The following XKR6 variants were observed in gnomAD, a reference collection of about 807,000 sequenced individuals.
XKR6 encodes the protein XK-related protein 6.
A neutral mutation model predicts 56.7 loss-of-function variants in XKR6; 22 were observed. The observed-to-expected ratio is 0.39, with a 90% CI of 0.28 to 0.55. XKR6 has a LOEUF of 0.55. Among genes scored for constraint, XKR6 ranks in the 20% least tolerant of loss-of-function variants. The probability of loss-of-function intolerance (pLI) is 0.66; values close to 1 mark genes in which losing one functional copy is unlikely to be tolerated. For missense variants in XKR6, 852 were observed against 889.0 expected, an observed-to-expected ratio of 0.96 and a Z score of 0.53; for synonymous variants, 524 against 387.8, an observed-to-expected ratio of 1.35 and a Z score of -4.13.
At chr8:11,108,133 T>G (rs1485616004) in intron 1 of XKR6, 4 of 356,950 alleles carry the variant, frequency 1.1e-5, no homozygotes, top group Non-Finnish European at 2.2e-5. Flanking sequence ...GACCCGTGTG[T>G]TGAAACACAT....
intron 1 of XKR6, among the ~76,000 whole-genome samples, chr8:11,022,657 A>T (rs1271470878): frequency 2.0e-5 from 3 of 152,164 alleles, no homozygotes; most frequent in Admixed American, 6.5e-5. Context: ...GAAGGGTGAC[A>T]TTATTCCCCT....
At position 11,082,970 on chromosome 8, in the gene XKR6, GCTTC is replaced by G. The variant is rs750251017; in HGVS notation, c.764+117602_764+117605del. Among the ~76,000 whole-genome samples the G allele has an allele frequency of 5.1e-4, 77 of 152,284 alleles. No homozygotes were observed. In the Middle Eastern group the frequency reaches 0.017, roughly 34 times the overall value. On this transcript the variant is annotated intron_variant, in intron 1 of 2. Transcript: ENST00000416569. ...CTGCGGCCAGGTAGCCCTAGGCAGGGCTTCCTCCCTGCCTCACCTTCCCAGCCCT... is the reference window on the plus strand; with the variant it reads ...CTGCGGCCAGGTAGCCCTAGGCAGGGCTCCCTGCCTCACCTTCCCAGCCCT...
rs554866779 is a variant in XKR6 at position 11,173,068 on chromosome 8, G to T, written c.764+27508C>A. Among the ~76,000 whole-genome samples the T allele has an allele frequency of 2.0e-5, 3 of 152,204 alleles. No homozygotes were observed. The South Asian group carries it at 6.2e-4, about 32-fold the overall frequency. On this transcript the variant is annotated intron_variant, in intron 1 of 2. Transcript: ENST00000416569. The stretch of plus-strand genomic sequence containing the variant: ...TAACAGCTTCCGGCCGGGCGCGGTG[G>T]CTCACGCCTGTAATCCCAGCACTTT...
chr8:11,172,729 AAGC>A (rs1802441973), intron 1 of XKR6, among the ~76,000 whole-genome samples: 2 of 152,184 alleles, frequency 1.3e-5, no homozygotes, highest in South Asian at 4.1e-4. Context: ...TTAAATTCCA[AAGC>A]TTTTCCTTTA....
At chr8:11,179,570 T>C (rs80204299) in intron 1 of XKR6, among the ~76,000 whole-genome samples, 8,916 of 152,196 alleles carry the variant, frequency 0.059, 292 homozygotes, top group Middle Eastern at 0.088. Context: ...CTCAAAACAC[T>C]AGAGTTTCAG....
At chr8:11,011,692 G>T (rs971749916) in intron 1 of XKR6, among the ~76,000 whole-genome samples, 3 of 152,184 alleles carry the variant, frequency 2.0e-5, no homozygotes, top group Non-Finnish European at 4.4e-5. Flanking sequence ...GGAATGCCTG[G>T]GGACAGAGGC....
chr8:11,030,785 T>C (rs904230131), intron 1 of XKR6, among the ~76,000 whole-genome samples: 4 of 152,122 alleles, frequency 2.6e-5, no homozygotes, highest in Non-Finnish European at 5.9e-5. Flanking sequence ...GGGAATGGTA[T>C]GAAGTGAAAC....
chr8:11,054,912 T>C (rs553065704), intron 1 of XKR6, among the ~76,000 whole-genome samples: 2 of 152,266 alleles, frequency 1.3e-5, no homozygotes, highest in African/African-American at 4.8e-5. Context: ...TCCTAATTCA[T>C]GCAAAGGCCC....
intron 1 of XKR6, among the ~76,000 whole-genome samples, chr8:11,185,145 A>G (rs1013029322): frequency 2.0e-5 from 3 of 152,064 alleles, no homozygotes; most frequent in African/African-American, 2.4e-5. Flanking sequence ...ATGGGATGGC[A>G]CCCTGTCCAG....
intron 2 of XKR6, among the ~76,000 whole-genome samples, chr8:10,920,901 C>T (rs753775583): frequency 5.9e-4 from 90 of 152,374 alleles, no homozygotes; most frequent in Middle Eastern, 3.4e-3. Flanking sequence ...AACACCCATT[C>T]CACATCCCAA....
chr8:11,046,265 T>C (rs891946984), intron 1 of XKR6, among the ~76,000 whole-genome samples: 5 of 152,100 alleles, frequency 3.3e-5, no homozygotes, highest in Non-Finnish European at 5.9e-5. Flanking sequence ...CTGGGCATGG[T>C]GGCACGTGCC....
intron 1 of XKR6, among the ~76,000 whole-genome samples, chr8:10,950,149 C>T (rs1040758293): frequency 1.3e-5 from 2 of 152,132 alleles, no homozygotes; most frequent in African/African-American, 2.4e-5. Context: ...GAGGGAGGGG[C>T]AGCTTCCCAA....
At chr8:11,150,013 TAA>T in intron 1 of XKR6, among the ~76,000 whole-genome samples, 1 of 152,172 alleles carries the variant, frequency 6.6e-6, no homozygotes, top group East Asian at 1.9e-4. Flanking sequence ...ATGTGGGAGC[TAA>T]AAAATTGATC....
rs118071249 is a variant in XKR6, at chr8:10,985,137, G to T, written c.765-60307C>A. On this transcript the variant is annotated intron_variant, in intron 1 of 2. Coordinates refer to ENST00000416569, the MANE Select transcript of XKR6 (RefSeq NM_173683.4). ...TTTTTCTATTTTTTGTGGAGAGGGG[G>T]TGATACGGTTTTGCTGTGTCCCCAC... is the stretch of plus-strand genomic sequence containing the variant. 1.1e-3 allele frequency among the ~76,000 whole-genome samples: 165 copies of T among 152,088 alleles called. 2 individuals carry two copies. The East Asian group carries it at 0.03, about 28-fold the overall frequency.
intron 1 of XKR6, among the ~76,000 whole-genome samples, chr8:11,130,051 A>G (rs1685448650): frequency 6.6e-6 from 1 of 152,138 alleles, no homozygotes; most frequent in South Asian, 2.1e-4. Context: ...AATTCTCCAA[A>G]GCCACAGAAA....
intron 1 of XKR6, among the ~76,000 whole-genome samples, chr8:11,167,890 T>TAAAAAAAAAAAAAAAAAAAAAA: frequency 9.2e-6 from 1 of 108,380 alleles, no homozygotes; most frequent in Non-Finnish European, 1.9e-5. Flanking sequence ...CCCCATCTCT[T>TAAAAAAAAAAAAAAAAAAAAAA]AAAAAAAAAA....
chr8:11,120,104 C>T (rs1006404037), intron 1 of XKR6, among the ~76,000 whole-genome samples: 3 of 152,176 alleles, frequency 2.0e-5, no homozygotes, highest in Non-Finnish European at 4.4e-5. Context: ...AAACTGAAAG[C>T]ATTCCCTTTG....
At chr8:11,028,357 C>T (rs892351170) in intron 1 of XKR6, among the ~76,000 whole-genome samples, 3 of 152,210 alleles carry the variant, frequency 2.0e-5, no homozygotes, top group African/African-American at 4.8e-5. Flanking sequence ...CACCTGCTGA[C>T]GGACACCTTG....
intron 1 of XKR6, among the ~76,000 whole-genome samples, chr8:10,992,510 T>G (rs1798017246): frequency 6.6e-6 from 1 of 152,160 alleles, no homozygotes; most frequent in Non-Finnish European, 1.5e-5. Context: ...CTTCAGACAG[T>G]GAGAAACTCA....
Sources: gnomAD v4.1 joint callset for allele counts (sites outside exome capture counted in the v4.1 genomes callset) on GRCh38, gnomAD v4.1.1 for gene constraint, MANE v1.5 for transcripts, NCBI Gene and HGNC (gene_info 2026-07-23, HGNC 2026-07-21) for gene names.